Variants in ZYG11B observed in about 807,000 individuals in gnomAD.
ZYG11B encodes the protein zyg-11 family member B, cell cycle regulator.
In ZYG11B, 36 loss-of-function variants were observed where a neutral mutation model predicts 82.4. The ratio of observed to expected loss-of-function variants is 0.44; its 90% CI spans 0.33 to 0.58. ZYG11B has a LOEUF of 0.58. Ranked by LOEUF, ZYG11B falls within the 20% of genes least tolerant of loss-of-function variation. The pLI, the probability that ZYG11B is intolerant of heterozygous loss-of-function variation, is 0.02. For synonymous variants in ZYG11B, 303 were observed against 312.8 expected (o/e 0.97, Z 0.33); for missense variants, 552 against 895.6 (o/e 0.62, Z 4.90).
intron 2 of ZYG11B, among the ~76,000 whole-genome samples, chr1:52,758,598 T>A (rs1644600043): frequency 6.6e-6 from 1 of 152,168 alleles, no homozygotes; most frequent in African/African-American, 2.4e-5. Flanking sequence ...ACATACTGGT[T>A]TATACTTTTG....
chr1:52,760,101 GGGATTACA>G (rs1420809771), intron 2 of ZYG11B, among the ~76,000 whole-genome samples: 1 of 152,104 alleles, frequency 6.6e-6, no homozygotes, highest in Non-Finnish European at 1.5e-5. Flanking sequence ...CGAAAGTGCT[GGGATTACA>G]GGCGTGAGCC....
At chr1:52,735,061 T>C (rs2149918190) in intron 1 of ZYG11B, among the ~76,000 whole-genome samples, 1 of 139,314 alleles carries the variant, frequency 7.2e-6, no homozygotes, top group South Asian at 2.3e-4. Context: ...AGACGGAGTT[T>C]CTCTCGTTGC....
At chr1:52,740,565 CTTT>C (rs57309331) in intron 1 of ZYG11B, among the ~76,000 whole-genome samples, 9 of 124,926 alleles carry the variant, frequency 7.2e-5, no homozygotes, top group Non-Finnish European at 8.3e-5. Flanking sequence ...GTACTACCTT[CTTT>C]TTTTTTTTTT....
At chr1:52,774,609 ATTTTT>A (rs35043109) in intron 3 of ZYG11B, among the ~76,000 whole-genome samples, 2 of 111,144 alleles carry the variant, frequency 1.8e-5, no homozygotes, top group African/African-American at 9.7e-5. Flanking sequence ...GCCTGGCCTA[ATTTTT>A]TTTTTTTTTT....
At chr1:52,770,090 A>ATTT (rs1398657976) in intron 2 of ZYG11B, among the ~76,000 whole-genome samples, 34 of 71,090 alleles carry the variant, frequency 4.8e-4, no homozygotes, top group Non-Finnish European at 7.1e-4. Flanking sequence ...ATATATATAT[A>ATTT]TATTTTTTTT....
chr1:52,806,076 ATAATT>A (rs1488239217), intron 10 of ZYG11B, among the ~76,000 whole-genome samples: 2 of 152,058 alleles, frequency 1.3e-5, no homozygotes, highest in East Asian at 3.9e-4. Flanking sequence ...AATTTTTTCA[ATAATT>A]TAATTTGAGA....
intron 2 of ZYG11B, among the ~76,000 whole-genome samples, chr1:52,761,662 CTT>C (rs950747034): frequency 1.3e-5 from 2 of 152,166 alleles, no homozygotes; most frequent in South Asian, 2.1e-4. Flanking sequence ...ACAGATGTCT[CTT>C]TGATAATTTT....
chr1:52,792,327 T>G (rs1644966435), intron 6 of ZYG11B, among the ~76,000 whole-genome samples: 1 of 152,198 alleles, frequency 6.6e-6, no homozygotes, highest in African/African-American at 2.4e-5. Flanking sequence ...GAAGGAAAGA[T>G]TCTGTCTGAC....
chr1:52,788,200 T>C (rs1170433024), intron 5 of ZYG11B, among the ~76,000 whole-genome samples: 1 of 152,082 alleles, frequency 6.6e-6, no homozygotes, highest in East Asian at 1.9e-4. Flanking sequence ...AAAGTTTGAT[T>C]CCACATTGAA....
chr1:52,727,335 C>G (rs989877713), intron 1 of ZYG11B, among the ~76,000 whole-genome samples: 1 of 152,034 alleles, frequency 6.6e-6, no homozygotes, highest in African/African-American at 2.4e-5. Flanking sequence ...TCTTCCTTTT[C>G]GTTTTTGGAG....
At chr1:52,798,958 T>C (rs1283124021) in intron 8 of ZYG11B, among the ~76,000 whole-genome samples, 2 of 152,156 alleles carry the variant, frequency 1.3e-5, no homozygotes, top group Non-Finnish European at 2.9e-5. Context: ...ATTATGTATG[T>C]AATGAGAAAG....
rs375239619 is a variant in ZYG11B at position 52,779,769 on chromosome 1, C to T, written c.952-84C>T. ...CCTCCCAAAGTACTGGGATTACAGG[C>T]GTGAGCCACCGCGCCTGGCCACACA... On this transcript the variant is annotated intron_variant, in intron 3 of 13. Coordinates refer to ENST00000294353, the MANE Select transcript of ZYG11B (RefSeq NM_024646.3). The T allele has an allele frequency of 3.2e-4, 498 of 1,545,888 alleles. 9 individuals are homozygous for T. The South Asian group carries it at 5.0e-3, about 16-fold the overall frequency.
At chr1:52,754,271 C>T (rs1374992148) in intron 1 of ZYG11B, 1 of 152,344 alleles carries the variant, frequency 6.6e-6, no homozygotes, top group African/African-American at 2.4e-5. Context: ...GTGATCCGCC[C>T]ACCTTGGCCT....
chr1:52,734,853 C>T (rs572097080), intron 1 of ZYG11B, among the ~76,000 whole-genome samples: 123 of 151,982 alleles, frequency 8.1e-4, no homozygotes, highest in African/African-American at 2.7e-3. Flanking sequence ...CTCAGCCCCC[C>T]GAGTAGCTGG....
chr1:52,780,105 G>T, intron 4 of ZYG11B, 112 bp downstream of exon 4: 1 of 1,028,484 alleles, frequency 9.7e-7, no homozygotes. Flanking sequence ...TATTTATAAT[G>T]TGATTGATGA....
At chr1:52,791,556 A>G (rs552587457) in intron 6 of ZYG11B, among the ~76,000 whole-genome samples, 1 of 151,732 alleles carries the variant, frequency 6.6e-6, no homozygotes, top group South Asian at 2.1e-4. Flanking sequence ...TTTAGTAGAG[A>G]TGGGGTTTCA....
chr1:52,767,077 T>C (rs1644697094), intron 2 of ZYG11B, among the ~76,000 whole-genome samples: 2 of 114,092 alleles, frequency 1.8e-5, no homozygotes, highest in Admixed American at 1.6e-4. Context: ...ATTTTTTATG[T>C]TATTTTATGT....
At chr1:52,805,217 A>G (rs1166345602) in intron 10 of ZYG11B, 2 of 285,492 alleles carry the variant, frequency 7.0e-6, no homozygotes, top group Admixed American at 8.6e-5. Context: ...GAGCACAAAA[A>G]AGCAGACCTC....
intron 10 of ZYG11B, among the ~76,000 whole-genome samples, chr1:52,803,702 A>G (rs1352621801): frequency 2.6e-5 from 4 of 152,152 alleles, no homozygotes; most frequent in Non-Finnish European, 1.5e-5. Context: ...GCCAGACTCA[A>G]GCAATCTTCT....
Sources: allele counts gnomAD v4.1 joint callset (sites outside exome capture counted in the v4.1 genomes callset), GRCh38; gene constraint gnomAD v4.1.1; transcripts MANE v1.5; gene names NCBI Gene and HGNC (gene_info 2026-07-23, HGNC 2026-07-21).